CSNK1G1: variants seen among roughly 807,000 people sequenced by gnomAD.
CSNK1G1 encodes the protein casein kinase I isoform gamma-1.
CSNK1G1 carries 22 observed loss-of-function variants against 59.6 expected under a neutral mutation model. The observed-to-expected ratio is 0.37, with a 90% CI of 0.26 to 0.53. CSNK1G1 has a LOEUF of 0.53. Ranked by LOEUF, CSNK1G1 falls within the 20% of genes least tolerant of loss-of-function variation. The pLI is 0.89. For missense variants in CSNK1G1, 384 were observed against 519.5 expected (o/e 0.74, Z 2.54); for synonymous variants, 179 against 177.1 (o/e 1.01, Z -0.08).
In CSNK1G1 at chr15:64,207,608, C is replaced by T; in HGVS notation, c.680-14G>A. Reference sequence around the variant, plus strand: ...TCCGGCTTTGCTCTAAAAGGGAAGACAGATCACACATTATGTTTGCAGTTA... The same window carrying T: ...TCCGGCTTTGCTCTAAAAGGGAAGATAGATCACACATTATGTTTGCAGTTA... On this transcript the variant is annotated splice_polypyrimidine_tract_variant and intron_variant, in intron 6 of 11. Transcript: ENST00000303052. 1 of 1,589,836 alleles carries T rather than the reference C, an allele frequency of 6.3e-7. No homozygotes were observed. The highest frequency in any genetic ancestry group is 2.2e-5 in the East Asian group (1 of 44,772).
At chr15:64,266,612 T>C (rs1012517268) in intron 2 of CSNK1G1, among the ~76,000 whole-genome samples, 2 of 151,990 alleles carry the variant, frequency 1.3e-5, no homozygotes, top group African/African-American at 4.8e-5. Flanking sequence ...CTCTACCCAA[T>C]GCAAAAATCT....
rs1898102607 is a variant in CSNK1G1, at chr15:64,348,616, C to T, written c.-225+7372G>A. Among the ~76,000 whole-genome samples, 3 of 152,162 alleles carry T rather than the reference C, an allele frequency of 2.0e-5. No individual in the cohort carries two copies. In the South Asian group the frequency reaches 6.2e-4, roughly 32 times the overall value. ...CCTCTTGCCTTTTCCTGGCATTAGT[C>T]ATTTCTCTCTGCTCACCAGCACCCA... On this transcript the variant is annotated intron_variant, in intron 1 of 11. Coordinates refer to ENST00000303052, the MANE Select transcript of CSNK1G1 (RefSeq NM_022048.5).
chr15:64,227,909 G>A (rs1055110964), intron 4 of CSNK1G1, among the ~76,000 whole-genome samples: 21 of 151,952 alleles, frequency 1.4e-4, no homozygotes, highest in African/African-American at 4.6e-4. Flanking sequence ...CTGTGTTGTT[G>A]CCAAAATTAT....
At chr15:64,219,827 G>A (rs912322766) in intron 4 of CSNK1G1, among the ~76,000 whole-genome samples, 4 of 144,486 alleles carry the variant, frequency 2.8e-5, no homozygotes, top group African/African-American at 1.0e-4. Context: ...AGGCTGGAGT[G>A]CAGTGGCACG....
chr15:64,261,941 CAAAAA>C (rs34634242), intron 2 of CSNK1G1, among the ~76,000 whole-genome samples: 4 of 119,384 alleles, frequency 3.4e-5, no homozygotes, highest in Admixed American at 1.7e-4. Context: ...GACTCCGTCT[CAAAAA>C]AAAAAAAAAA....
chr15:64,206,586 CAAAAAAAAAAAAAAAAA>C (rs36192246), intron 7 of CSNK1G1, among the ~76,000 whole-genome samples: 5 of 49,708 alleles, frequency 1.0e-4, no homozygotes, highest in African/African-American at 3.5e-4. Context: ...AACTCTGTCT[CAAAAAAAAAAAAAAAAA>C]AAAAAAAAAA....
At chr15:64,199,877 T>A (rs74494887) in intron 10 of CSNK1G1, among the ~76,000 whole-genome samples, 14,625 of 151,860 alleles carry the variant, frequency 0.096, 867 homozygotes, top group Admixed American at 0.19. Flanking sequence ...AATAAAATTT[T>A]AAAAAAAATT....
chr15:64,229,880 A>G (rs900101536), intron 4 of CSNK1G1, among the ~76,000 whole-genome samples: 2 of 72,522 alleles, frequency 2.8e-5, no homozygotes, highest in African/African-American at 5.0e-5. Context: ...CCTTAAGCCT[A>G]TATTTTTGGG....
At chr15:64,193,426 G>A (rs1372945827) in intron 10 of CSNK1G1, among the ~76,000 whole-genome samples, 1 of 149,490 alleles carries the variant, frequency 6.7e-6, no homozygotes, top group East Asian at 2.0e-4. Context: ...CTGGGAGGCG[G>A]AGGTTGCATG....
At chr15:64,258,697 TTTAA>T (rs1892528762) in intron 3 of CSNK1G1, among the ~76,000 whole-genome samples, 2 of 152,310 alleles carry the variant, frequency 1.3e-5, no homozygotes, top group South Asian at 2.1e-4. Flanking sequence ...CTATGACTAG[TTTAA>T]TTATTCACAA....
At chr15:64,261,575 T>C (rs1892691932) in intron 2 of CSNK1G1, among the ~76,000 whole-genome samples, 2 of 151,620 alleles carry the variant, frequency 1.3e-5, no homozygotes, top group Non-Finnish European at 2.9e-5. Context: ...CACTCCAGCA[T>C]GGGAGAGAGG....
At chr15:64,289,502 T>A (rs1438199795) in intron 2 of CSNK1G1, among the ~76,000 whole-genome samples, 1 of 152,168 alleles carries the variant, frequency 6.6e-6, no homozygotes. Flanking sequence ...ACTACGATAC[T>A]ACTACAAACA....
chr15:64,336,069 T>G (rs1897373545), intron 1 of CSNK1G1, among the ~76,000 whole-genome samples: 1 of 152,210 alleles, frequency 6.6e-6, no homozygotes. Flanking sequence ...ATGTGGCTAT[T>G]TTTTACCTAT....
At chr15:64,215,358 G>A (rs2082298519) in intron 5 of CSNK1G1, among the ~76,000 whole-genome samples, 1 of 151,846 alleles carries the variant, frequency 6.6e-6, no homozygotes, top group East Asian at 1.9e-4. Flanking sequence ...GACTAAAGGC[G>A]CTCGCCACCA....
At chr15:64,311,456 C>T (rs1049380723) in intron 1 of CSNK1G1, among the ~76,000 whole-genome samples, 1 of 151,970 alleles carries the variant, frequency 6.6e-6, no homozygotes, top group Non-Finnish European at 1.5e-5. Context: ...AAATACAAAC[C>T]ACTACATTTA....
rs575912263 is a variant in CSNK1G1 at position 64,321,685 on chromosome 15, T to C, written c.-224-20962A>G. Among the ~76,000 whole-genome samples, 58 of 152,368 alleles carry C rather than the reference T, an allele frequency of 3.8e-4. No homozygotes were observed. In the South Asian group the frequency reaches 0.012, roughly 31 times the overall value. ...ATATGAAGACAGCTGCTTCTGATAT[T>C]GTACTCAATTAAGGAAGCCATGAAC... On this transcript the variant is annotated intron_variant, in intron 1 of 11. Coordinates refer to ENST00000303052, the MANE Select transcript of CSNK1G1 (RefSeq NM_022048.5).
chr15:64,211,207 G>A (rs2082245556), intron 6 of CSNK1G1, among the ~76,000 whole-genome samples: 1 of 152,166 alleles, frequency 6.6e-6, no homozygotes, highest in East Asian at 1.9e-4. Flanking sequence ...TTCTTCTCTT[G>A]TCCTCCTCCT....
intron 3 of CSNK1G1, among the ~76,000 whole-genome samples, chr15:64,253,938 G>A (rs1300051614): frequency 3.3e-5 from 5 of 151,998 alleles, no homozygotes; most frequent in Non-Finnish European, 7.4e-5. Context: ...TCAGGAGTTC[G>A]AGACCAGCCT....
chr15:64,255,648 T>C (rs1892336684), intron 3 of CSNK1G1, among the ~76,000 whole-genome samples: 1 of 152,224 alleles, frequency 6.6e-6, no homozygotes, highest in Non-Finnish European at 1.5e-5. Flanking sequence ...GGCAAAGTAA[T>C]TTCAAATTCC....
Sources: gnomAD v4.1 joint callset for allele counts (sites outside exome capture counted in the v4.1 genomes callset) on GRCh38, gnomAD v4.1.1 for gene constraint, MANE v1.5 for transcripts, NCBI Gene and HGNC (gene_info 2026-07-23, HGNC 2026-07-21) for gene names.